COL4A1: variants seen among roughly 807,000 people sequenced by gnomAD.
COL4A1 encodes the protein collagen type IV alpha 1 chain.
In COL4A1, 40 loss-of-function variants were observed where a neutral mutation model predicts 216.6. The observed-to-expected ratio is 0.18, with a 90% CI of 0.14 to 0.24. The LOEUF is 0.24. COL4A1 is among the 10% of genes least tolerant of loss of function. The pLI, the probability that COL4A1 is intolerant of heterozygous loss-of-function variation, is 1.00. For missense variants in COL4A1, 1,628 were observed against 2,196.8 expected (o/e 0.74, Z 5.18); for synonymous variants, 839 against 810.7 (o/e 1.03, Z -0.59).
At chr13:110,163,249 C>T (rs113485024) in intron 47 of COL4A1, among the ~76,000 whole-genome samples, 1 of 152,230 alleles carries the variant, frequency 6.6e-6, no homozygotes, top group African/African-American at 2.4e-5. Flanking sequence ...ATCTGGGAAA[C>T]GTACACTTTG....
At chr13:110,182,353 G>A (rs904503881) in intron 28 of COL4A1, among the ~76,000 whole-genome samples, 3 of 152,198 alleles carry the variant, frequency 2.0e-5, no homozygotes, top group African/African-American at 4.8e-5. Context: ...CAACCTAAGT[G>A]TGGCTGCGTG....
intron 11 of COL4A1, among the ~76,000 whole-genome samples, 169 bp from the exon 12 acceptor site, chr13:110,209,059 T>C (rs568105434): frequency 8.1e-4 from 124 of 152,368 alleles, no homozygotes; most frequent in Non-Finnish European, 1.4e-3. Context: ...ATTCAATGTC[T>C]ATGAAAAAGT....
At chr13:110,168,901 T>C (rs894855668) in intron 43 of COL4A1, among the ~76,000 whole-genome samples, 1 of 152,220 alleles carries the variant, frequency 6.6e-6, no homozygotes, top group Non-Finnish European at 1.5e-5. Context: ...AATAAAGCTC[T>C]GCTAATCCAG....
chr13:110,199,534 G>A (rs1485057662), intron 20 of COL4A1, among the ~76,000 whole-genome samples: 1 of 152,210 alleles, frequency 6.6e-6, no homozygotes, highest in Non-Finnish European at 1.5e-5. Flanking sequence ...CCTGAGTGGT[G>A]AATGAGGGGC....
intron 2 of COL4A1, among the ~76,000 whole-genome samples, chr13:110,215,574 AAAC>A (rs1555307435): frequency 1.6e-5 from 2 of 125,212 alleles, no homozygotes; most frequent in Non-Finnish European, 1.8e-5. Context: ...AAAAAAAAAA[AAAC>A]AACAACCCAT....
intron 2 of COL4A1, among the ~76,000 whole-genome samples, chr13:110,228,742 C>G (rs1880867273): frequency 6.6e-6 from 1 of 152,186 alleles, no homozygotes; most frequent in South Asian, 2.1e-4. Flanking sequence ...TCAATTGTCT[C>G]TAGAGGAGGA....
At chr13:110,241,430 C>G (rs1881563879) in intron 2 of COL4A1, among the ~76,000 whole-genome samples, 1 of 152,134 alleles carries the variant, frequency 6.6e-6, no homozygotes, top group African/African-American at 2.4e-5. Context: ...TCCATTTTAT[C>G]ATTTTAAGGA....
At chr13:110,302,128 C>G (rs1373272570) in intron 1 of COL4A1, among the ~76,000 whole-genome samples, 2 of 152,036 alleles carry the variant, frequency 1.3e-5, no homozygotes, top group African/African-American at 4.8e-5. Flanking sequence ...TGGGAAGCAT[C>G]CAGAAAGAAG....
intron 1 of COL4A1, among the ~76,000 whole-genome samples, chr13:110,292,362 GC>G (rs1202035050): frequency 6.6e-6 from 1 of 152,248 alleles, no homozygotes; most frequent in Non-Finnish European, 1.5e-5. Context: ...GGGTTCACGG[GC>G]CCCCCAAAAG....
chr13:110,246,144 TAA>T (rs35110605), intron 1 of COL4A1, among the ~76,000 whole-genome samples: 13 of 144,304 alleles, frequency 9.0e-5, no homozygotes, highest in Non-Finnish European at 1.4e-4. Flanking sequence ...ATGGTTTTGT[TAA>T]AAAAAAAAAA....
chr13:110,174,637 C>T lies in COL4A1; in HGVS notation c.3311G>A (p.Ser1104Asn), dbSNP rs895063990. 2.5e-6 allele frequency: 4 copies of T among 1,614,180 alleles called. No individual in the cohort carries two copies. The highest frequency in any genetic ancestry group is 3.4e-6 in the Non-Finnish European group (4 of 1,180,034). Residue 1104 changes from serine to asparagine, a missense_variant, in exon 38 of 52, where the codon AGT becomes AAT. Coordinates refer to ENST00000375820, the MANE Select transcript of COL4A1 (RefSeq NM_001845.6). ...GSPGLKGSPG[S>N]VGYPGSPGLP... is the part of the protein sequence containing the mutation. Reference sequence around the variant, plus strand: ...CCCTCACCTACCTGGATAGCCAACACTCCCGGGAGACCCTTTAAGGCCTGG... The same window carrying T: ...CCCTCACCTACCTGGATAGCCAACATTCCCGGGAGACCCTTTAAGGCCTGG...
At chr13:110,197,297 GTCTTGGGT>G (rs1878948178) in intron 21 of COL4A1, among the ~76,000 whole-genome samples, 1 of 148,026 alleles carries the variant, frequency 6.8e-6, no homozygotes, top group African/African-American at 2.5e-5. Flanking sequence ...GAATTCCCTT[GTCTTGGGT>G]AACCCCTGTC....
intron 21 of COL4A1, among the ~76,000 whole-genome samples, chr13:110,198,238 G>A (rs1002176239): frequency 6.6e-6 from 1 of 152,082 alleles, no homozygotes. Flanking sequence ...GGTGGTTAAC[G>A]TGTTATTTAC....
chr13:110,169,638 C>G lies in COL4A1; in HGVS notation c.3867G>C (p.Gln1289His). ...VPGPKGDPGF[Q>H]GMPGIGGSPG... ...CAAATCAATAACTCACAGGCATGCC[C>G]TGGAATCCAGGGTCTCCCTTGGGCC... The change falls in exon 43 of 52, where the codon CAG becomes CAC. Residue 1289 changes from glutamine to histidine, a missense_variant. Physicochemically the swap from Gln to His is conservative, Grantham distance 24 (BLOSUM62 0). Transcript: ENST00000375820. 6.2e-7 allele frequency: 1 copy of G among 1,614,070 alleles called. No homozygotes were observed. The highest frequency in any genetic ancestry group is 8.5e-7 in the Non-Finnish European group (1 of 1,180,026).
chr13:110,150,583 A>G, intron 51 of COL4A1, 139 bp from the exon 52 acceptor site: 1 of 817,118 alleles, frequency 1.2e-6, no homozygotes. Flanking sequence ...CCACCCAGTG[A>G]GCAGGCAGGT....
intron 2 of COL4A1, among the ~76,000 whole-genome samples, chr13:110,217,827 G>C (rs1162760711): frequency 6.6e-6 from 1 of 152,140 alleles, no homozygotes; most frequent in African/African-American, 2.4e-5. Context: ...ACCAAAATTA[G>C]GCATTGTAAA....
rs757034926 is a variant in COL4A1 at position 110,183,136 on chromosome 13, G to A, written c.1991-39C>T. The A allele has an allele frequency of 3.3e-5, 53 of 1,612,230 alleles. No homozygotes were observed. In the African/African-American group the frequency reaches 4.0e-4, roughly 12 times the overall value. On this transcript the variant is annotated intron_variant, in intron 27 of 51. Coordinates refer to ENST00000375820, the MANE Select transcript of COL4A1 (RefSeq NM_001845.6). ...GACCAACAGTCAGCGTGAGAAAAACGTGAGGAAACTCTCGTGGTATCCCGG... is the reference window on the plus strand; with the variant it reads ...GACCAACAGTCAGCGTGAGAAAAACATGAGGAAACTCTCGTGGTATCCCGG...
chr13:110,261,652 C>T (rs1037808502), intron 1 of COL4A1, among the ~76,000 whole-genome samples: 3 of 152,194 alleles, frequency 2.0e-5, no homozygotes, highest in South Asian at 4.1e-4. Context: ...GGAACCGCAC[C>T]CAAGGGGAAT....
At chr13:110,181,522 C>T (rs1023930793) in intron 28 of COL4A1, 133 bp from the exon 29 acceptor site, 34 of 954,802 alleles carry the variant, frequency 3.6e-5, no homozygotes, top group Admixed American at 6.1e-5. Flanking sequence ...TGGAGGCCTT[C>T]CGAGGTGGCT....
Sources: gnomAD v4.1 joint callset for allele counts (sites outside exome capture counted in the v4.1 genomes callset) on GRCh38, gnomAD v4.1.1 for gene constraint, MANE v1.5 for transcripts, NCBI Gene and HGNC (gene_info 2026-07-23, HGNC 2026-07-21) for gene names.